The following FAM221A variants were observed in gnomAD, a reference collection of about 807,000 sequenced individuals.
FAM221A encodes the protein protein FAM221A.
In FAM221A, 43 loss-of-function variants were observed where a neutral mutation model predicts 37.6. The ratio of observed to expected loss-of-function variants is 1.15; its 90% CI spans 0.90 to 1.48. FAM221A has a LOEUF of 1.48. FAM221A is among the 40% of genes most tolerant of loss of function. The probability of loss-of-function intolerance (pLI) is 0.00; values close to 1 mark genes in which losing one functional copy is unlikely to be tolerated. For synonymous variants in FAM221A, 135 were observed against 132.9 expected, an observed-to-expected ratio of 1.02 and a Z score of -0.11; for missense variants, 361 against 361.5, an observed-to-expected ratio of 1.00 and a Z score of 0.01.
At chr7:23,688,323 G>A (rs1031341076) in intron 2 of FAM221A, 1 of 152,174 alleles carries the variant, frequency 6.6e-6, no homozygotes, top group African/African-American at 2.4e-5. Context: ...TGGGATTACA[G>A]GTGTGAGCCA....
Position 23,691,453 on chromosome 7 carries a change from A to G in FAM221A, c.494A>G (p.His165Arg), listed in dbSNP as rs1287353800. 4 of 1,614,238 alleles carry G rather than the reference A, an allele frequency of 2.5e-6. No individual in the cohort carries two copies. The highest frequency in any genetic ancestry group is 1.7e-5 in the Admixed American group (1 of 60,026). The change falls in exon 4 of 7, where the codon CAT becomes CGT. Residue 165 changes from histidine (H) to arginine (R), a missense_variant. His to Arg is a conservative substitution (Grantham distance 29, BLOSUM62 0). Coordinates refer to ENST00000344962, the MANE Select transcript of FAM221A (RefSeq NM_199136.5). ...GCTTGTGGTCAGCCTGCATATGCCC[A>G]TGACACAGTAGTGGAAACTAAGCAA... ...TCACGQPAYA[H>R]DTVVETKQER...
At chr7:23,692,185 A>G in intron 4 of FAM221A, 1 of 972,414 alleles carries the variant, frequency 1.0e-6, no homozygotes, top group Non-Finnish European at 1.2e-6. Context: ...TATTAAAGGT[A>G]GATGGATCCT....
intron 2 of FAM221A, among the ~76,000 whole-genome samples, 185 bp downstream of exon 2, chr7:23,684,857 C>A (rs7794755): frequency 0.82 from 124,862 of 152,194 alleles, 51,311 homozygotes; most frequent in African/African-American, 0.88. Flanking sequence ...AGGCCGAGGC[C>A]GGAGGACTGC....
At chr7:23,692,719 C>T (rs776109243) in intron 4 of FAM221A, 18 of 982,294 alleles carry the variant, frequency 1.8e-5, no homozygotes, top group Non-Finnish European at 2.2e-5. Context: ...AAGTGCAAAA[C>T]ACCCTTGAAT....
chr7:23,702,271 T>C lies in FAM221A; in HGVS notation c.*107T>C, dbSNP rs1485341820. 9.9e-6 allele frequency: 6 copies of C among 604,802 alleles called. No individual in the cohort carries two copies. Among genetic ancestry groups the C allele is most frequent in the African/African-American group, 1.9e-5 (1 of 51,812 alleles). 37.5% of individuals were successfully genotyped at this position (604,802 alleles called of 1,614,324 possible). Reference sequence around the variant, plus strand: ...GAAATTATTTACTTTTTTTTTTTACTGTATAAATGTCTTTTGGGATGTTTC... The same window carrying C: ...GAAATTATTTACTTTTTTTTTTTACCGTATAAATGTCTTTTGGGATGTTTC... On this transcript the variant is annotated 3_prime_UTR_variant, in exon 7 of 7. Coordinates refer to ENST00000344962, the MANE Select transcript of FAM221A (RefSeq NM_199136.5).
intron 2 of FAM221A, among the ~76,000 whole-genome samples, chr7:23,685,827 C>G (rs1784336339): frequency 6.6e-6 from 1 of 152,198 alleles, no homozygotes; most frequent in African/African-American, 2.4e-5. Flanking sequence ...TACCGTCTCA[C>G]AGTTGTAAAT....
At chr7:23,686,466 T>C (rs1784377268) in intron 2 of FAM221A, 1 of 316,880 alleles carries the variant, frequency 3.2e-6, no homozygotes, top group Non-Finnish European at 6.2e-6. Context: ...GGTTTGGCTT[T>C]GTTACCCAGA....
At chr7:23,691,665 T>C in intron 4 of FAM221A, 69 bp downstream of exon 4, 1 of 1,287,158 alleles carries the variant, frequency 7.8e-7, no homozygotes, top group Non-Finnish European at 1.1e-6. Context: ...AGTGAAGCCT[T>C]ATATTTGTTA....
chr7:23,684,725 C>T, intron 2 of FAM221A, 53 bp downstream of exon 2: 1 of 1,448,208 alleles, frequency 6.9e-7, no homozygotes, highest in Non-Finnish European at 9.4e-7. Context: ...AAAAGCTAAG[C>T]ATATCTTACT....
chr7:23,699,115 A>T (rs999471760), intron 5 of FAM221A, among the ~76,000 whole-genome samples: 270 of 133,264 alleles, frequency 2.0e-3, no homozygotes, highest in African/African-American at 6.7e-3. Context: ...CAATGCTGGA[A>T]TTTTTTTTTT....
chr7:23,695,314 C>T (rs1784986980), intron 4 of FAM221A, among the ~76,000 whole-genome samples: 1 of 152,090 alleles, frequency 6.6e-6, no homozygotes, highest in Admixed American at 6.6e-5. Context: ...TATTTGTCAT[C>T]TGTGCAACTA....
chr7:23,680,275 G>A lies in FAM221A; in HGVS notation c.57G>A (p.Glu19=). The A allele has an allele frequency of 6.5e-7, 1 of 1,547,910 alleles. No individual in the cohort carries two copies. The highest frequency in any genetic ancestry group is 8.7e-7 in the Non-Finnish European group (1 of 1,145,606). The change falls in exon 1 of 7, where the codon GAG becomes GAA. Residue 19 remains glutamate, a synonymous_variant. Transcript: ENST00000344962. ...CGGCGGCGGTGGACGAGTACCTGGAGTACCGGAGGTGAGGCTGTGGCTCCG... is the reference window on the plus strand; with the variant it reads ...CGGCGGCGGTGGACGAGTACCTGGAATACCGGAGGTGAGGCTGTGGCTCCG... ...GGAAAVDEYL[E]YRRIVGEDDG... is the part of the protein sequence containing the mutation.
chr7:23,688,210 A>G (rs544456628), intron 2 of FAM221A: 2 of 152,060 alleles, frequency 1.3e-5, no homozygotes, highest in East Asian at 3.9e-4. Context: ...ACGCTCGGCT[A>G]ATTTTTTGTA....
rs777978434 is a variant in FAM221A, at chr7:23,702,052, A to G, written c.829-44A>G. On this transcript the variant is annotated intron_variant, in intron 6 of 6. Transcript: ENST00000344962. Reference sequence around the variant, plus strand: ...TTTCTGCAAGTTTTTTTTCTTTAGAATGGTTTACAAGTTATTATATCAATA... The same window carrying G: ...TTTCTGCAAGTTTTTTTTCTTTAGAGTGGTTTACAAGTTATTATATCAATA... The G allele has an allele frequency of 5.8e-5, 78 of 1,349,970 alleles. No individual in the cohort carries two copies. The South Asian group carries it at 1.1e-3, about 19-fold the overall frequency. The allele number at this position is 1,349,970 out of a possible 1,614,324, so 83.6% of individuals were successfully genotyped here.
At chr7:23,692,104 CACAT>C (rs772179002) in intron 4 of FAM221A, 131 of 596,320 alleles carry the variant, frequency 2.2e-4, no homozygotes, top group African/African-American at 1.0e-3. Flanking sequence ...TATGTGCACA[CACAT>C]ATATCTTCTT....
chr7:23,689,036 A>G (rs1784547629), intron 2 of FAM221A: 1 of 365,524 alleles, frequency 2.7e-6, no homozygotes, highest in Non-Finnish European at 4.9e-6. Context: ...TTGCTGTGAA[A>G]CAGCTTCTTA....
chr7:23,680,972 C>CTCCG (rs1283421123), intron 1 of FAM221A, among the ~76,000 whole-genome samples: 6 of 152,174 alleles, frequency 3.9e-5, no homozygotes, highest in African/African-American at 1.2e-4. Context: ...ACGCTCCAGG[C>CTCCG]TCCGCCAGGG....
Position 23,700,080 on chromosome 7 carries a change from A to G in FAM221A, c.746-706A>G, listed in dbSNP as rs1034428203. On this transcript the variant is annotated intron_variant, in intron 5 of 6. Transcript: ENST00000344962. ...CAAAGATAATCGACAGACTGTAGCT[A>G]TACTCTGTGGTGATTGTCTGGAGTT... Among the ~76,000 whole-genome samples the G allele has an allele frequency of 7.2e-5, 11 of 152,172 alleles. 1 individual carries two copies. Among genetic ancestry groups the G allele is most frequent in the Admixed American group, 4.6e-4 (7 of 15,276 alleles).
chr7:23,700,445 C>T (rs2128051852), intron 5 of FAM221A, among the ~76,000 whole-genome samples: 1 of 152,326 alleles, frequency 6.6e-6, no homozygotes, highest in South Asian at 2.1e-4. Flanking sequence ...TCAATAATTA[C>T]TTTTGTGCAT....
Sources: gnomAD v4.1 joint callset for allele counts (sites outside exome capture counted in the v4.1 genomes callset) on GRCh38, gnomAD v4.1.1 for gene constraint, MANE v1.5 for transcripts, NCBI Gene and HGNC (gene_info 2026-07-23, HGNC 2026-07-21) for gene names.